The following PRKAG1 variants were observed in gnomAD, a reference collection of about 807,000 sequenced individuals.
PRKAG1 encodes protein kinase AMP-activated non-catalytic subunit gamma 1, also known as 5'-AMP-activated protein kinase subunit gamma-1.
PRKAG1 carries 27 observed loss-of-function variants against 48.2 expected under a neutral mutation model. The ratio of observed to expected loss-of-function variants is 0.56; its 90% CI spans 0.41 to 0.77. The LOEUF (loss-of-function observed/expected upper bound fraction) is 0.77, where lower values mean the gene tolerates loss of function less well. Ranked by LOEUF, PRKAG1 falls within the 30% of genes least tolerant of loss-of-function variation. The pLI, the probability that PRKAG1 is intolerant of heterozygous loss-of-function variation, is 0.00. For synonymous variants in PRKAG1, 130 were observed against 147.7 expected, an observed-to-expected ratio of 0.88 and a Z score of 0.87; for missense variants, 287 against 398.3, an observed-to-expected ratio of 0.72 and a Z score of 2.38.
intron 1 of PRKAG1, among the ~76,000 whole-genome samples, chr12:49,016,086 TACC>T (rs1941958305): frequency 1.3e-5 from 2 of 151,990 alleles, no homozygotes; most frequent in South Asian, 4.2e-4. Flanking sequence ...TACAGGAACA[TACC>T]ACCAGGCCCA....
rs186476318 is a variant in PRKAG1 at position 49,006,977 on chromosome 12, T to A, written c.59-1125A>T. On this transcript the variant is annotated intron_variant, in intron 2 of 11. Transcript: ENST00000548065. The stretch of plus-strand genomic sequence containing the variant: ...AGAGTGAAACTCCGTGTCAAAAAAA[T>A]AAATAAATAAATAAATAAATTACAT... Among the ~76,000 whole-genome samples the A allele has an allele frequency of 3.0e-3, 425 of 139,858 alleles. 1 individual carries two copies. In the South Asian group the frequency reaches 0.033, roughly 11 times the overall value. The allele number at this position is 139,858 out of a possible 152,430, so 91.8% of individuals were successfully genotyped here.
rs1207223146 is a variant in PRKAG1 at position 49,011,555 on chromosome 12, C to T, written c.58+1507G>A. ...TTGACCAGACCTAGATAGTTGTCGC[C>T]TTTTTTTTTTTTTGAGACGGAGTTT... On this transcript the variant is annotated intron_variant, in intron 2 of 11. Coordinates refer to ENST00000548065, the MANE Select transcript of PRKAG1 (RefSeq NM_002733.5). Among the ~76,000 whole-genome samples, 29 of 137,000 alleles carry T rather than the reference C, an allele frequency of 2.1e-4. 1 individual carries two copies. The highest frequency in any genetic ancestry group is 1.5e-4 in the Admixed American group (2 of 13,768). 89.9% of individuals were successfully genotyped at this position (137,000 alleles called of 152,430 possible). A position where few individuals can be genotyped will look rare whatever the true frequency, so the allele number is the denominator to read the frequency against.
At chr12:49,012,902 G>C (rs1941815750) in intron 2 of PRKAG1, 160 bp downstream of exon 2, 8 of 658,660 alleles carry the variant, frequency 1.2e-5, no homozygotes, top group Non-Finnish European at 1.9e-5. Context: ...TTTATTCCTG[G>C]GTGATCTTGC....
intron 1 of PRKAG1, among the ~76,000 whole-genome samples, chr12:49,013,595 A>C (rs944298175): frequency 6.6e-6 from 1 of 152,098 alleles, no homozygotes; most frequent in Non-Finnish European, 1.5e-5. Flanking sequence ...AACAACCCTG[A>C]GGTAAATACT....
intron 2 of PRKAG1, among the ~76,000 whole-genome samples, chr12:49,011,503 T>TG (rs560468862): frequency 1.3e-5 from 2 of 151,302 alleles, no homozygotes; most frequent in East Asian, 3.9e-4. Context: ...TGCCCAGACT[T>TG]GAAGATCTGG....
At chr12:49,010,970 A>G (rs1941736180) in intron 2 of PRKAG1, among the ~76,000 whole-genome samples, 1 of 151,876 alleles carries the variant, frequency 6.6e-6, no homozygotes, top group Non-Finnish European at 1.5e-5. Context: ...CAGCCTCCCA[A>G]GTAGCTGGGA....
In PRKAG1 at chr12:49,003,746, CA is replaced by C; in HGVS notation, c.703+10del. ...GATCTTCCCTCCCTCTCCTTCTGCC[CA>C]ATCTCTCACCCTTCTCATCCACCAC... On this transcript the variant is annotated intron_variant, in intron 9 of 11. Transcript: ENST00000548065. 3 of 1,610,012 alleles carry C rather than the reference CA, an allele frequency of 1.9e-6. No homozygotes were observed. The highest frequency in any genetic ancestry group is 2.5e-6 in the Non-Finnish European group (3 of 1,177,702).
chr12:49,008,106 G>T (rs1034561740), intron 2 of PRKAG1, among the ~76,000 whole-genome samples: 2 of 151,966 alleles, frequency 1.3e-5, no homozygotes, highest in Non-Finnish European at 2.9e-5. Flanking sequence ...TGATCTGCCC[G>T]CTTTGGCCTC....
At chr12:49,015,866 G>A (rs901298963) in intron 1 of PRKAG1, among the ~76,000 whole-genome samples, 2 of 151,764 alleles carry the variant, frequency 1.3e-5, no homozygotes, top group East Asian at 1.9e-4. Flanking sequence ...ATGCGCCACC[G>A]AGCCTGGCCG....
At position 49,005,805 on chromosome 12, in the gene PRKAG1, G is replaced by A. The variant is rs755400968; in HGVS notation, c.106C>T (p.His36Tyr). 9.9e-6 allele frequency: 16 copies of A among 1,613,902 alleles called. No homozygotes were observed. The Admixed American group carries it at 1.2e-4, about 12-fold the overall frequency. The stretch of plus-strand genomic sequence containing the variant: ...GTGGGAATCAGGTCATAGCAGCGAT[G>A]AGACTTCATGAAGGAAGTATACACG... ...NSVYTSFMKS[H>Y]RCYDLIPTSS... The change falls in exon 3 of 12, where the codon CAT becomes TAT. Residue 36 changes from histidine to tyrosine, a missense_variant. Around this residue, in one of 2 missense-constraint regions of PRKAG1, gnomAD observed 63 missense variants for 54.0 expected, o/e 1.17. Transcript: ENST00000548065. The surrounding 1 kb of genome is among the most constrained non-coding windows in gnomAD (Gnocchi z 4.1).
In PRKAG1 at chr12:49,005,677, G is replaced by A; in HGVS notation, c.168+66C>T. 6.2e-7 allele frequency: 1 copy of A among 1,606,438 alleles called. No homozygotes were observed. The highest frequency in any genetic ancestry group is 8.5e-7 in the Non-Finnish European group (1 of 1,173,408). ...AGGATAAGGATATTACCCTTAGGAT[G>A]AGATAGGATGAGAGGTATTAAACCA... On this transcript the variant is annotated intron_variant, in intron 3 of 11. Transcript: ENST00000548065. The surrounding 1 kb of genome is among the most constrained non-coding windows in gnomAD (Gnocchi z 4.1).
At chr12:49,013,479 A>C (rs1333359544) in intron 1 of PRKAG1, among the ~76,000 whole-genome samples, 2 of 152,228 alleles carry the variant, frequency 1.3e-5, no homozygotes, top group South Asian at 2.1e-4. Context: ...TCCTGGGCTC[A>C]AGTGATTGCC....
intron 2 of PRKAG1, among the ~76,000 whole-genome samples, chr12:49,006,815 C>G (rs1325431737): frequency 6.7e-6 from 1 of 150,352 alleles, no homozygotes; most frequent in Non-Finnish European, 1.5e-5. Context: ...ATTAAAAATA[C>G]AAAATTAGCC....
chr12:49,003,095 C>T (rs1565730635), intron 11 of PRKAG1, 49 bp downstream of exon 11: 3 of 1,613,694 alleles, frequency 1.9e-6, no homozygotes, highest in Middle Eastern at 1.6e-4. Flanking sequence ...CCAAACCCCA[C>T]TCTCAAGGCT....
intron 8 of PRKAG1, 86 bp downstream of exon 8, chr12:49,004,421 C>G: frequency 2.6e-6 from 4 of 1,532,798 alleles, no homozygotes; most frequent in Non-Finnish European, 3.6e-6. Context: ...CTGAGCAACA[C>G]AGTGAGACCT....
intron 1 of PRKAG1, among the ~76,000 whole-genome samples, chr12:49,015,575 T>C (rs139547244): frequency 7.3e-5 from 11 of 151,476 alleles, no homozygotes; most frequent in African/African-American, 2.7e-4. Flanking sequence ...CATATGTGAC[T>C]TTTTTTTTGG....
chr12:49,004,432 C>T (rs575496540), intron 8 of PRKAG1, 75 bp downstream of exon 8: 6 of 1,560,270 alleles, frequency 3.8e-6, no homozygotes, highest in Middle Eastern at 1.7e-4. Flanking sequence ...AGTGAGACCT[C>T]GTCTCTCTTT....
chr12:49,013,907 CAG>C (rs1255656785), intron 1 of PRKAG1, among the ~76,000 whole-genome samples: 2 of 151,928 alleles, frequency 1.3e-5, no homozygotes, highest in East Asian at 1.9e-4. Context: ...TGTTTTGAGG[CAG>C]AGTCTTGCTC....
At chr12:49,017,980 TTACAGAGCG>T (rs1942063229) in intron 1 of PRKAG1, 2 of 151,950 alleles carry the variant, frequency 1.3e-5, no homozygotes, top group South Asian at 4.1e-4. Flanking sequence ...ATGGGAGGGG[TTACAGAGCG>T]CTAGAAAAAG....
Sources: gnomAD v4.1 joint callset for allele counts (sites outside exome capture counted in the v4.1 genomes callset) on GRCh38, gnomAD v4.1.1 for gene constraint, gnomAD v4.1.1 regional missense constraint, Gnocchi (gnomAD v3.1) non-coding constraint, MANE v1.5 for transcripts, NCBI Gene and HGNC (gene_info 2026-07-23, HGNC 2026-07-21) for gene names.